Variants in ZZZ3 observed in about 807,000 individuals in gnomAD.
ZZZ3 encodes the protein ZZ-type zinc finger-containing protein 3.
ZZZ3 carries 22 observed loss-of-function variants against 95.2 expected under a neutral mutation model. That is an observed-to-expected ratio of 0.23 (90% CI 0.17 to 0.33). The LOEUF (loss-of-function observed/expected upper bound fraction) is 0.33, where lower values mean the gene tolerates loss of function less well. Ranked by LOEUF, ZZZ3 falls within the 10% of genes least tolerant of loss-of-function variation. ZZZ3 has a pLI of 1.00. For missense variants in ZZZ3, 885 were observed against 1,066.5 expected (o/e 0.83, Z 2.37); for synonymous variants, 335 against 358.9 (o/e 0.93, Z 0.75).
At chr1:77,600,128 TAAA>T (rs34052337) in intron 5 of ZZZ3, among the ~76,000 whole-genome samples, 11 of 150,364 alleles carry the variant, frequency 7.3e-5, no homozygotes, top group African/African-American at 2.2e-4. Context: ...CTATAAGACT[TAAA>T]AAAAAAAAAT....
rs1416996291 is a variant in ZZZ3 at position 77,568,328 on chromosome 1, T to C, written c.2466+4A>G. The C allele has an allele frequency of 1.5e-5, 24 of 1,574,092 alleles. No individual in the cohort carries two copies. Among genetic ancestry groups the C allele is most frequent in the Non-Finnish European group, 2.0e-5 (23 of 1,165,826 alleles). On this transcript the variant is annotated splice_donor_region_variant and intron_variant, in intron 13 of 14. Transcript: ENST00000370801. The stretch of plus-strand genomic sequence containing the variant: ...AATGAATCCTAAAATTAAATAGAAC[T>C]TACCTTAAAGCCCACATGTTGCACA...
At chr1:77,590,053 A>G (rs1282932897) in intron 5 of ZZZ3, among the ~76,000 whole-genome samples, 1 of 152,184 alleles carries the variant, frequency 6.6e-6, no homozygotes, top group Non-Finnish European at 1.5e-5. Context: ...CTGATTCTTC[A>G]AAACTCATTA....
chr1:77,673,211 G>C (rs569111303), intron 1 of ZZZ3, among the ~76,000 whole-genome samples: 6 of 152,076 alleles, frequency 3.9e-5, no homozygotes, highest in African/African-American at 1.4e-4. Context: ...TTATGTGCAG[G>C]AATACAGTCA....
At chr1:77,605,598 G>A (rs1284976938) in intron 5 of ZZZ3, among the ~76,000 whole-genome samples, 2 of 152,068 alleles carry the variant, frequency 1.3e-5, no homozygotes, top group African/African-American at 4.8e-5. Flanking sequence ...CTTGAGGAAA[G>A]GAGAGAAGAG....
At chr1:77,633,657 T>A (rs1247084245) in intron 4 of ZZZ3, among the ~76,000 whole-genome samples, 2 of 152,170 alleles carry the variant, frequency 1.3e-5, no homozygotes, top group Admixed American at 1.3e-4. Context: ...ATACATTAAC[T>A]CACTTAAGTC....
chr1:77,573,179 G>A (rs772849124), intron 12 of ZZZ3, among the ~76,000 whole-genome samples: 4 of 152,068 alleles, frequency 2.6e-5, no homozygotes, highest in Non-Finnish European at 4.4e-5. Context: ...GAGTGCAGTG[G>A]TGCAATCCCA....
intron 1 of ZZZ3, among the ~76,000 whole-genome samples, chr1:77,682,380 G>A (rs1273753349): frequency 6.6e-6 from 1 of 152,238 alleles, no homozygotes. Flanking sequence ...GAGTGGGACA[G>A]GGTGGAACTA....
At chr1:77,676,223 G>A (rs951381090) in intron 1 of ZZZ3, among the ~76,000 whole-genome samples, 6 of 152,196 alleles carry the variant, frequency 3.9e-5, no homozygotes, top group African/African-American at 1.2e-4. Flanking sequence ...CTGGAGTGTA[G>A]GGGCGCAATC....
intron 12 of ZZZ3, among the ~76,000 whole-genome samples, chr1:77,569,160 A>G (rs973798279): frequency 2.0e-5 from 3 of 152,210 alleles, no homozygotes; most frequent in African/African-American, 4.8e-5. Flanking sequence ...AACATGGCAA[A>G]AGCCTGTCTC....
chr1:77,566,832 T>C (rs1401331348), intron 13 of ZZZ3, among the ~76,000 whole-genome samples: 1 of 152,200 alleles, frequency 6.6e-6, no homozygotes, highest in African/African-American at 2.4e-5. Flanking sequence ...CCTCAGTGTG[T>C]TCTGTGCACT....
At chr1:77,565,828 C>T in intron 14 of ZZZ3, 44 bp from the exon 15 acceptor site, 1 of 1,562,556 alleles carries the variant, frequency 6.4e-7, no homozygotes, top group Non-Finnish European at 8.7e-7. Flanking sequence ...GTAGTGGATG[C>T]ATTTTAGTCT....
At position 77,604,444 on chromosome 1, in the gene ZZZ3, T is replaced by C. The variant is rs575861546; in HGVS notation, c.1506-19789A>G. Among the ~76,000 whole-genome samples, 46 of 152,332 alleles carry C rather than the reference T, an allele frequency of 3.0e-4. No homozygotes were observed. The South Asian group carries it at 8.5e-3, about 28-fold the overall frequency. The stretch of plus-strand genomic sequence containing the variant: ...TAAACATTAAGGTACAAAGATAATA[T>C]ATAATTGCAACACAATTTTTTTAAA... On this transcript the variant is annotated intron_variant, in intron 5 of 14. Transcript: ENST00000370801.
At chr1:77,615,448 GA>G (rs1343790282) in intron 5 of ZZZ3, among the ~76,000 whole-genome samples, 1 of 152,158 alleles carries the variant, frequency 6.6e-6, no homozygotes, top group Non-Finnish European at 1.5e-5. Flanking sequence ...TAGGAAAAAA[GA>G]TGGTTAAATT....
intron 1 of ZZZ3, among the ~76,000 whole-genome samples, chr1:77,661,057 A>C (rs890837150): frequency 2.3e-5 from 3 of 132,842 alleles, no homozygotes; most frequent in African/African-American, 1.0e-4. Flanking sequence ...CTTTAACGCA[A>C]AAAAAAAAAA....
chr1:77,644,354 C>CA (rs1669070232), intron 1 of ZZZ3, among the ~76,000 whole-genome samples: 1 of 152,200 alleles, frequency 6.6e-6, no homozygotes, highest in Non-Finnish European at 1.5e-5. Context: ...CATGAGCCAC[C>CA]ACGCCCAGCC....
intron 9 of ZZZ3, 154 bp from the exon 10 acceptor site, chr1:77,579,782 T>C: frequency 2.2e-6 from 1 of 460,896 alleles, no homozygotes; most frequent in Non-Finnish European, 3.8e-6. Context: ...TAGGAAAAAT[T>C]TCTAGTTAGA....
In ZZZ3 at chr1:77,579,504, T is replaced by C. The variant is rs757918931; in HGVS notation, c.2082+23A>G. On this transcript the variant is annotated intron_variant, in intron 10 of 14. Coordinates refer to ENST00000370801, the MANE Select transcript of ZZZ3 (RefSeq NM_015534.6). Reference sequence around the variant, plus strand: ...AAAACTACCAAAAGCATACCAGCAATCTGCAGTCATCTCCTCAATTACCTG... The same window carrying C: ...AAAACTACCAAAAGCATACCAGCAACCTGCAGTCATCTCCTCAATTACCTG... 3 of 1,531,002 alleles carry C rather than the reference T, an allele frequency of 2.0e-6. No individual in the cohort carries two copies. In the South Asian group the frequency reaches 3.4e-5, roughly 17 times the overall value. The allele number at this position is 1,531,002 out of a possible 1,614,324, so 94.8% of individuals were successfully genotyped here.
intron 4 of ZZZ3, 85 bp from the exon 5 acceptor site, chr1:77,633,490 C>A: frequency 1.2e-6 from 1 of 824,308 alleles, no homozygotes; most frequent in Non-Finnish European, 1.8e-6. Flanking sequence ...CTTTTTAATC[C>A]AAGTATACTT....
At chr1:77,584,940 A>C in intron 5 of ZZZ3, 2 of 202,708 alleles carry the variant, frequency 9.9e-6, no homozygotes, top group Non-Finnish European at 2.0e-5. Context: ...TCTTCCAACA[A>C]TCAAAGTCGT....
Sources: gnomAD v4.1 joint callset for allele counts (sites outside exome capture counted in the v4.1 genomes callset) on GRCh38, gnomAD v4.1.1 for gene constraint, MANE v1.5 for transcripts, NCBI Gene and HGNC (gene_info 2026-07-23, HGNC 2026-07-21) for gene names.